Variants in FOXP1 observed in about 807,000 individuals in gnomAD.
FOXP1 encodes the protein forkhead box P1.
FOXP1 carries 15 observed loss-of-function variants against 98.2 expected under a neutral mutation model. The observed-to-expected ratio is 0.15, with a 90% confidence interval of 0.10 to 0.24. FOXP1 has a LOEUF of 0.24. Among genes scored for constraint, FOXP1 ranks in the 10% least tolerant of loss-of-function variants. The probability of loss-of-function intolerance (pLI) is 1.00; values close to 1 mark genes in which losing one functional copy is unlikely to be tolerated. For synonymous variants in FOXP1, 371 were observed against 314.5 expected, an observed-to-expected ratio of 1.18 and a Z score of -1.90; for missense variants, 633 against 848.5, an observed-to-expected ratio of 0.75 and a Z score of 3.15.
At chr3:71,162,392 T>G (rs972286855) in intron 6 of FOXP1, among the ~76,000 whole-genome samples, 3 of 152,236 alleles carry the variant, frequency 2.0e-5, no homozygotes, top group African/African-American at 7.2e-5. Context: ...TTCATACATC[T>G]CTACTGATAT....
intron 4 of FOXP1, chr3:71,332,744 G>A: frequency 6.6e-6 from 1 of 152,240 alleles, no homozygotes; most frequent in Non-Finnish European, 1.5e-5. Context: ...TCTCAAAAAA[G>A]TAAAAAATAA....
chr3:71,053,879 T>G, intron 7 of FOXP1, 106 bp from the exon 8 acceptor site: 1 of 1,160,810 alleles, frequency 8.6e-7, no homozygotes, highest in Non-Finnish European at 1.3e-6. Context: ...GTTGACCAAT[T>G]TCCCATGCAA....
chr3:71,125,640 T>C (rs1179897975), intron 6 of FOXP1, among the ~76,000 whole-genome samples: 4 of 152,186 alleles, frequency 2.6e-5, no homozygotes, highest in African/African-American at 9.6e-5. Flanking sequence ...GCTCAAAAAG[T>C]GACAATGATC....
At chr3:71,221,049 C>A (rs1224961504) in intron 5 of FOXP1, among the ~76,000 whole-genome samples, 1 of 151,990 alleles carries the variant, frequency 6.6e-6, no homozygotes, top group Admixed American at 6.5e-5. Context: ...CATTTTAGAG[C>A]GGGGTCCCCA....
intron 2 of FOXP1, among the ~76,000 whole-genome samples, chr3:71,577,993 T>C (rs560907687): frequency 1.3e-5 from 2 of 152,016 alleles, no homozygotes; most frequent in African/African-American, 2.4e-5. Flanking sequence ...ATAGCAAAAA[T>C]GGCATTTACT....
At chr3:71,331,461 G>A (rs547677829) in intron 4 of FOXP1, among the ~76,000 whole-genome samples, 47 of 137,930 alleles carry the variant, frequency 3.4e-4, no homozygotes, top group South Asian at 5.1e-4. Flanking sequence ...CCCATCGACC[G>A]CCCAAGGGCT....
intron 9 of FOXP1, among the ~76,000 whole-genome samples, chr3:71,047,576 T>C (rs2049203718): frequency 6.6e-6 from 1 of 152,214 alleles, no homozygotes; most frequent in African/African-American, 2.4e-5. Flanking sequence ...AATCAGACCT[T>C]TGAAGAAGAA....
chr3:70,959,590 T>C (rs935936363), intron 20 of FOXP1, among the ~76,000 whole-genome samples, 199 bp from the exon 21 acceptor site: 1 of 152,208 alleles, frequency 6.6e-6, no homozygotes, highest in African/African-American at 2.4e-5. Context: ...TTCTGAGTTG[T>C]GCTAGCCACA....
At chr3:71,414,972 G>A (rs2083098265) in intron 3 of FOXP1, among the ~76,000 whole-genome samples, 1 of 152,114 alleles carries the variant, frequency 6.6e-6, no homozygotes, top group African/African-American at 2.4e-5. Flanking sequence ...CTTTGTTTCT[G>A]TTGTTCACTT....
Position 71,581,690 on chromosome 3 carries a change from T to C in FOXP1, c.-439A>G. 1.0e-6 allele frequency: 1 copy of C among 985,718 alleles called. No individual in the cohort carries two copies. Among genetic ancestry groups the C allele is most frequent in the Non-Finnish European group, 1.2e-6 (1 of 830,080 alleles). The allele number at this position is 985,718 out of a possible 1,614,324, so 61.1% of individuals were successfully genotyped here. A position where few individuals can be genotyped will look rare whatever the true frequency, so the allele number is the denominator to read the frequency against. ...GCGCGCTCTCTTCCTCTTACAAACT[T>C]TCGGGTTCTGCAGTCGACAAGAAAC... On this transcript the variant is annotated 5_prime_UTR_variant, in exon 2 of 21. Coordinates refer to ENST00000649528, the MANE Select transcript of FOXP1 (RefSeq NM_001349338.3).
chr3:71,205,779 T>C (rs2063991235), intron 5 of FOXP1, among the ~76,000 whole-genome samples: 1 of 152,214 alleles, frequency 6.6e-6, no homozygotes. Context: ...AAAGGCAAGA[T>C]GCATTTGAAT....
intron 2 of FOXP1, among the ~76,000 whole-genome samples, chr3:71,576,489 C>G (rs1213029203): frequency 6.6e-6 from 1 of 152,188 alleles, no homozygotes; most frequent in Non-Finnish European, 1.5e-5. Flanking sequence ...ATTTACAGGG[C>G]TTGACAGTAC....
intron 7 of FOXP1, among the ~76,000 whole-genome samples, chr3:71,061,618 T>C (rs1231933226): frequency 6.6e-6 from 1 of 152,144 alleles, no homozygotes; most frequent in South Asian, 2.1e-4. Context: ...ATAGACACAA[T>C]TTATGTATTT....
intron 4 of FOXP1, among the ~76,000 whole-genome samples, chr3:71,338,210 G>A (rs1030092164): frequency 2.0e-5 from 3 of 152,090 alleles, no homozygotes; most frequent in African/African-American, 7.2e-5. Flanking sequence ...AAGAGCAGAG[G>A]GCCTAAAAAG....
intron 6 of FOXP1, among the ~76,000 whole-genome samples, chr3:71,174,097 C>G (rs2061792097): frequency 6.6e-6 from 1 of 152,078 alleles, no homozygotes; most frequent in South Asian, 2.1e-4. Context: ...ACAGACAGAT[C>G]CATTATTTAT....
rs748075031 is a variant in FOXP1, at chr3:70,965,971, C to T, written c.1808G>A (p.Arg603Gln). Residue 603 changes from arginine to glutamine, a missense_variant, in exon 20 of 21, where the codon CGG becomes CAG. Arg to Gln is a conservative substitution (Grantham distance 43, BLOSUM62 1). This residue lies in a region of FOXP1 where 150 missense variants were observed against 163.7 expected (regional missense o/e 0.92). Transcript: ENST00000649528. ...PTLGNLASAI[R>Q]EELNGAMEHT... ...CTCCATTGCCCCGTTCAGCTCTTCC[C>T]GTATTGCGCTGGCTAAGTTGCCCAG... 9.3e-6 allele frequency: 15 copies of T among 1,613,976 alleles called. No homozygotes were observed. The highest frequency in any genetic ancestry group is 5.5e-5 in the South Asian group (5 of 91,078).
At chr3:71,487,121 T>TA (rs1212853119) in intron 3 of FOXP1, among the ~76,000 whole-genome samples, 2 of 151,868 alleles carry the variant, frequency 1.3e-5, no homozygotes, top group African/African-American at 4.8e-5. Flanking sequence ...GAGAGCGACA[T>TA]AGACTCATTC....
At chr3:71,138,922 G>C (rs1388310465) in intron 6 of FOXP1, among the ~76,000 whole-genome samples, 2 of 151,348 alleles carry the variant, frequency 1.3e-5, no homozygotes, top group Non-Finnish European at 2.9e-5. Flanking sequence ...AAAAAAAAAA[G>C]ATATTTATTA....
At chr3:71,358,123 T>C (rs1471918362) in intron 4 of FOXP1, among the ~76,000 whole-genome samples, 2 of 152,210 alleles carry the variant, frequency 1.3e-5, no homozygotes, top group African/African-American at 4.8e-5. Flanking sequence ...AATTTAAACA[T>C]ACTTGTAGGC....
Sources: allele counts gnomAD v4.1 joint callset (sites outside exome capture counted in the v4.1 genomes callset), GRCh38; gene constraint gnomAD v4.1.1; regional missense constraint gnomAD v4.1.1; transcripts MANE v1.5; gene names NCBI Gene and HGNC (gene_info 2026-07-23, HGNC 2026-07-21).